The following THSD7B variants were observed in gnomAD, a reference collection of about 807,000 sequenced individuals.
THSD7B encodes the protein thrombospondin type-1 domain-containing protein 7B.
Under a neutral mutation model 213.6 loss-of-function variants are expected in THSD7B, and 138 were observed. That is an observed-to-expected ratio of 0.65 (90% CI 0.56 to 0.74). The LOEUF is 0.74. Among genes scored for constraint, THSD7B ranks in the 30% least tolerant of loss-of-function variants. The pLI, the probability that THSD7B is intolerant of heterozygous loss-of-function variation, is 0.00. For missense variants in THSD7B, 1,931 were observed against 1,991.5 expected (o/e 0.97, Z 0.58); for synonymous variants, 742 against 687.0 (o/e 1.08, Z -1.25).
In THSD7B at chr2:137,095,004, T is replaced by TTAGGAGCAGGA; in HGVS notation, c.1083_1093dup (p.Ser365IlefsTer8). On this transcript the variant is annotated frameshift_variant, in exon 4 of 28. Coordinates refer to ENST00000409968, the MANE Select transcript of THSD7B (RefSeq NM_001316349.2). LOFTEE classifies it high-confidence loss of function. ...CGTTCAGGGAGTCTCTTGCCAGGAT[T>TTAGGAGCAGGA]TAGGAGCAGGAGCCGGAACGTGAAG... is the stretch of plus-strand genomic sequence containing the variant. The TTAGGAGCAGGA allele has an allele frequency of 1.2e-6, 2 of 1,613,762 alleles. No homozygotes were observed. Among genetic ancestry groups the TTAGGAGCAGGA allele is most frequent in the Non-Finnish European group, 1.7e-6 (2 of 1,179,836 alleles).
intron 1 of THSD7B, among the ~76,000 whole-genome samples, chr2:136,786,886 G>C (rs907047260): frequency 6.6e-6 from 1 of 152,092 alleles, no homozygotes; most frequent in African/African-American, 2.4e-5. Flanking sequence ...CAAAAGGAAT[G>C]TTTAAGTATG....
At chr2:136,992,916 G>A (rs1015897504) in intron 2 of THSD7B, among the ~76,000 whole-genome samples, 33 of 152,200 alleles carry the variant, frequency 2.2e-4, no homozygotes, top group African/African-American at 8.0e-4. Context: ...CTGAAGAATA[G>A]AGAAAACAAA....
intron 2 of THSD7B, among the ~76,000 whole-genome samples, chr2:137,028,909 G>A (rs921141165): frequency 6.6e-6 from 1 of 151,868 alleles, no homozygotes; most frequent in Non-Finnish European, 1.5e-5. Flanking sequence ...ATATATAGAC[G>A]TACCTATAAA....
At chr2:137,612,935 G>C (rs1206788741) in intron 17 of THSD7B, among the ~76,000 whole-genome samples, 1 of 152,094 alleles carries the variant, frequency 6.6e-6, no homozygotes, top group Non-Finnish European at 1.5e-5. Context: ...CAGTCACCCA[G>C]GTGGCAGAAC....
chr2:137,019,518 CT>C (rs1686403688), intron 2 of THSD7B, among the ~76,000 whole-genome samples: 5 of 152,120 alleles, frequency 3.3e-5, no homozygotes, highest in African/African-American at 1.2e-4. Context: ...ACTCTGTGGA[CT>C]TTTATAATTA....
chr2:136,801,002 C>T (rs1382147899), intron 1 of THSD7B, among the ~76,000 whole-genome samples: 8 of 152,036 alleles, frequency 5.3e-5, no homozygotes, highest in Admixed American at 5.2e-4. Context: ...ATGACTTTGC[C>T]AGGTAGACCT....
At chr2:137,169,328 T>G (rs1680197150) in intron 6 of THSD7B, among the ~76,000 whole-genome samples, 1 of 151,536 alleles carries the variant, frequency 6.6e-6, no homozygotes, top group Non-Finnish European at 1.5e-5. Flanking sequence ...AGAACCTCTC[T>G]GTAGCTTTTT....
At chr2:137,546,693 C>T (rs927956834) in intron 15 of THSD7B, among the ~76,000 whole-genome samples, 11 of 147,784 alleles carry the variant, frequency 7.4e-5, no homozygotes, top group Admixed American at 4.8e-4. Flanking sequence ...TTTGTACATA[C>T]GCGTGTATTT....
chr2:137,468,829 G>C lies in THSD7B; in HGVS notation c.3138+17806G>C, dbSNP rs547953539. On this transcript the variant is annotated intron_variant, in intron 15 of 27. Coordinates refer to ENST00000409968, the MANE Select transcript of THSD7B (RefSeq NM_001316349.2). ...TACATTACCCTCTACATCAGTCAGAGCTAGAAACCAGACAGGAAGCATCAA... is the reference window on the plus strand; with the variant it reads ...TACATTACCCTCTACATCAGTCAGACCTAGAAACCAGACAGGAAGCATCAA... 4.6e-5 allele frequency among the ~76,000 whole-genome samples: 7 copies of C among 152,210 alleles called. No individual in the cohort carries two copies. The South Asian group carries it at 1.5e-3, about 32-fold the overall frequency.
intron 12 of THSD7B, among the ~76,000 whole-genome samples, chr2:137,366,828 A>G (rs1017470048): frequency 1.1e-4 from 16 of 151,734 alleles, no homozygotes; most frequent in South Asian, 8.3e-4. Flanking sequence ...TAGCATTTCT[A>G]TAACTATGTT....
chr2:137,226,330 G>A lies in THSD7B; in HGVS notation c.1724-4714G>A, dbSNP rs11902940. On this transcript the variant is annotated intron_variant, in intron 7 of 27. Transcript: ENST00000409968. ...TTTCAAATTACACTGTGGATTCATGGTTGTCTAGGTTTTTTTTATTTTCTT... is the reference window on the plus strand; with the variant it reads ...TTTCAAATTACACTGTGGATTCATGATTGTCTAGGTTTTTTTTATTTTCTT... Among the ~76,000 whole-genome samples the A allele has an allele frequency of 9.8e-3, 1,486 of 151,574 alleles. 23 individuals carry two copies. Among genetic ancestry groups the A allele is most frequent in the African/African-American group, 0.034 (1,414 of 41,454 alleles).
At chr2:137,174,977 C>A (rs1680331885) in intron 7 of THSD7B, among the ~76,000 whole-genome samples, 1 of 152,210 alleles carries the variant, frequency 6.6e-6, no homozygotes, top group South Asian at 2.1e-4. Context: ...AACATCAATT[C>A]TCAAACATAT....
chr2:137,515,472 G>A (rs561399694), intron 15 of THSD7B, among the ~76,000 whole-genome samples: 1 of 152,232 alleles, frequency 6.6e-6, no homozygotes, highest in African/African-American at 2.4e-5. Flanking sequence ...ATCCCACCAG[G>A]CTCCTACAGG....
rs559598788 is a variant in THSD7B at position 137,504,565 on chromosome 2, G to T, written c.3138+53542G>T. On this transcript the variant is annotated intron_variant, in intron 15 of 27. Coordinates refer to ENST00000409968, the MANE Select transcript of THSD7B (RefSeq NM_001316349.2). ...ATCATCTTTACCTAAAATGATTATTGACATAATACAAATATGATTGAACCA... is the reference window on the plus strand; with the variant it reads ...ATCATCTTTACCTAAAATGATTATTTACATAATACAAATATGATTGAACCA... Among the ~76,000 whole-genome samples the T allele has an allele frequency of 5.9e-5, 9 of 152,264 alleles. No homozygotes were observed. The East Asian group carries it at 1.7e-3, about 29-fold the overall frequency.
intron 1 of THSD7B, among the ~76,000 whole-genome samples, chr2:136,833,193 G>A (rs1022148047): frequency 1.3e-5 from 2 of 151,698 alleles, no homozygotes; most frequent in African/African-American, 2.4e-5. Context: ...GTGAAACCCC[G>A]TCTCTACTAA....
chr2:136,979,943 G>A (rs1558874996), intron 2 of THSD7B, among the ~76,000 whole-genome samples: 1 of 152,070 alleles, frequency 6.6e-6, no homozygotes, highest in Non-Finnish European at 1.5e-5. Context: ...CTTTTGGCTG[G>A]CATTTTTGTG....
intron 1 of THSD7B, among the ~76,000 whole-genome samples, chr2:136,876,599 T>C (rs1683529399): frequency 1.3e-5 from 2 of 152,250 alleles, no homozygotes; most frequent in African/African-American, 2.4e-5. Context: ...CATGATATAA[T>C]TTCCAGTCCA....
chr2:137,323,105 A>C (rs1221041074), intron 12 of THSD7B, among the ~76,000 whole-genome samples: 1 of 152,194 alleles, frequency 6.6e-6, no homozygotes, highest in Non-Finnish European at 1.5e-5. Context: ...GAATGTGATA[A>C]TAGAGAAGTC....
At chr2:137,534,107 G>A (rs1005144905) in intron 15 of THSD7B, among the ~76,000 whole-genome samples, 1 of 151,212 alleles carries the variant, frequency 6.6e-6, no homozygotes, top group African/African-American at 2.4e-5. Flanking sequence ...TGTAGTGTTT[G>A]AAATACTATT....
Sources: gnomAD v4.1 joint callset for allele counts (sites outside exome capture counted in the v4.1 genomes callset) on GRCh38, gnomAD v4.1.1 for gene constraint, MANE v1.5 for transcripts, NCBI Gene and HGNC (gene_info 2026-07-23, HGNC 2026-07-21) for gene names.